CCDC91: variants seen among roughly 807,000 people sequenced by gnomAD.
CCDC91 encodes the protein coiled-coil domain-containing protein 91.
In CCDC91, 48 loss-of-function variants were observed where a neutral mutation model predicts 63.2. The ratio of observed to expected loss-of-function variants is 0.76; its 90% confidence interval spans 0.60 to 0.97. CCDC91 has a LOEUF of 0.97. CCDC91 is among the 50% of genes least tolerant of loss of function. The pLI, the probability that CCDC91 is intolerant of heterozygous loss-of-function variation, is 0.00. For missense variants in CCDC91, 500 were observed against 494.6 expected (o/e 1.01, Z -0.10); for synonymous variants, 167 against 165.8 (o/e 1.01, Z -0.06).
chr12:28,529,009 G>A (rs771857132), intron 12 of CCDC91, among the ~76,000 whole-genome samples: 10 of 151,866 alleles, frequency 6.6e-5, no homozygotes, highest in East Asian at 1.9e-4. Context: ...CTGTTTCTAT[G>A]TATATGTATG....
rs760006474 is a variant in CCDC91 at position 28,549,152 on chromosome 12, G to A, written c.1305G>A (p.Thr435=). The change falls in exon 13 of 13, where the codon ACG becomes ACA. Residue 435 remains threonine, a synonymous_variant. Transcript: ENST00000536442. ...AQKQLSALIA[T]EPVDIE is the part of the protein sequence containing the mutation. ...AACAGTTAAGTGCTTTAATAGCTAC[G>A]GAACCAGTTGACATTGAATAAAAAG... is the stretch of plus-strand genomic sequence containing the variant. 15 of 1,606,878 alleles carry A rather than the reference G, an allele frequency of 9.3e-6. No homozygotes were observed. The highest frequency in any genetic ancestry group is 1.3e-5 in the African/African-American group (1 of 74,664).
intron 12 of CCDC91, among the ~76,000 whole-genome samples, chr12:28,518,945 C>T (rs1340194286): frequency 1.3e-5 from 2 of 151,758 alleles, no homozygotes; most frequent in South Asian, 2.1e-4. Flanking sequence ...TTTGCTTTGT[C>T]GAAGATCAGT....
intron 1 of CCDC91, among the ~76,000 whole-genome samples, chr12:28,207,243 C>A (rs567576771): frequency 6.6e-6 from 1 of 152,288 alleles, no homozygotes; most frequent in South Asian, 2.1e-4. Flanking sequence ...AGGATGCTGT[C>A]TTCTTCTGGG....
At chr12:28,439,737 T>C (rs1197055109) in intron 8 of CCDC91, among the ~76,000 whole-genome samples, 2 of 150,532 alleles carry the variant, frequency 1.3e-5, no homozygotes, top group African/African-American at 4.8e-5. Flanking sequence ...TTTTTTCTTT[T>C]TTTTTTTTTT....
intron 8 of CCDC91, among the ~76,000 whole-genome samples, chr12:28,394,283 G>A (rs1311553019): frequency 6.6e-6 from 1 of 152,062 alleles, no homozygotes; most frequent in East Asian, 1.9e-4. Context: ...TGGCTAACAG[G>A]GTGAAACCCC....
At chr12:28,258,965 G>T (rs1052090471) in intron 2 of CCDC91, among the ~76,000 whole-genome samples, 1 of 151,930 alleles carries the variant, frequency 6.6e-6, no homozygotes, top group African/African-American at 2.4e-5. Context: ...ATTGGGTCTT[G>T]TGCTAATTAA....
At chr12:28,489,272 G>A (rs1236889589) in intron 12 of CCDC91, among the ~76,000 whole-genome samples, 2 of 151,874 alleles carry the variant, frequency 1.3e-5, no homozygotes, top group Non-Finnish European at 2.9e-5. Context: ...TGCCAGATAA[G>A]ATATTATAAT....
intron 6 of CCDC91, among the ~76,000 whole-genome samples, chr12:28,321,803 A>G (rs1397443636): frequency 1.3e-5 from 2 of 151,816 alleles, no homozygotes; most frequent in Admixed American, 1.3e-4. Context: ...TTATTTTGTT[A>G]TATTAGCCGA....
intron 11 of CCDC91, among the ~76,000 whole-genome samples, chr12:28,478,583 A>C (rs1951254066): frequency 6.6e-6 from 1 of 152,194 alleles, no homozygotes; most frequent in Non-Finnish European, 1.5e-5. Flanking sequence ...CACCGAAAGC[A>C]ATGGCAACAA....
intron 7 of CCDC91, among the ~76,000 whole-genome samples, chr12:28,371,439 G>T (rs185638218): frequency 6.6e-6 from 1 of 152,270 alleles, no homozygotes; most frequent in Non-Finnish European, 1.5e-5. Context: ...CGGAAAAATT[G>T]TCTTCCATGA....
chr12:28,274,845 C>G (rs1948082183), intron 3 of CCDC91, among the ~76,000 whole-genome samples: 1 of 152,080 alleles, frequency 6.6e-6, no homozygotes, highest in South Asian at 2.1e-4. Flanking sequence ...CCTTCTCCTG[C>G]CTGATTGCCC....
chr12:28,465,593 C>G (rs1950511654), intron 11 of CCDC91, among the ~76,000 whole-genome samples: 1 of 152,136 alleles, frequency 6.6e-6, no homozygotes, highest in Non-Finnish European at 1.5e-5. Flanking sequence ...CTCTATGAGT[C>G]TACAAGAACC....
intron 6 of CCDC91, among the ~76,000 whole-genome samples, chr12:28,347,924 C>T (rs1565835171): frequency 6.6e-6 from 1 of 152,204 alleles, no homozygotes; most frequent in Non-Finnish European, 1.5e-5. Context: ...CCTTTAGTCC[C>T]ACTTATGTTA....
At chr12:28,522,795 A>G (rs1940854674) in intron 12 of CCDC91, among the ~76,000 whole-genome samples, 1 of 152,188 alleles carries the variant, frequency 6.6e-6, no homozygotes, top group Non-Finnish European at 1.5e-5. Context: ...ATTGGTTTCA[A>G]AGAACATCTT....
chr12:28,459,884 T>C (rs1400214335), intron 11 of CCDC91, among the ~76,000 whole-genome samples: 1 of 152,194 alleles, frequency 6.6e-6, no homozygotes, highest in Non-Finnish European at 1.5e-5. Context: ...TGAGAATGTC[T>C]TAGACATTCA....
intron 12 of CCDC91, among the ~76,000 whole-genome samples, chr12:28,537,036 G>T (rs745892745): frequency 3.4e-4 from 52 of 152,222 alleles, no homozygotes; most frequent in Non-Finnish European, 5.7e-4. Flanking sequence ...TGATATTTAT[G>T]ATTTTAAGTT....
At chr12:28,438,246 C>G (rs1949010940) in intron 8 of CCDC91, among the ~76,000 whole-genome samples, 1 of 152,058 alleles carries the variant, frequency 6.6e-6, no homozygotes, top group African/African-American at 2.4e-5. Flanking sequence ...GAGGTGGGCC[C>G]TTTGAGAGTT....
At chr12:28,293,097 A>C (rs1280060259) in intron 3 of CCDC91, among the ~76,000 whole-genome samples, 1 of 152,246 alleles carries the variant, frequency 6.6e-6, no homozygotes, top group Non-Finnish European at 1.5e-5. Flanking sequence ...ATAGTGATTA[A>C]GTCAAAGATT....
At chr12:28,283,161 C>T (rs895908308) in intron 3 of CCDC91, among the ~76,000 whole-genome samples, 6 of 150,626 alleles carry the variant, frequency 4.0e-5, no homozygotes, top group Non-Finnish European at 8.9e-5. Flanking sequence ...CAGATTTTTC[C>T]CTTTTGCTTA....
Sources: allele counts gnomAD v4.1 joint callset (sites outside exome capture counted in the v4.1 genomes callset), GRCh38; gene constraint gnomAD v4.1.1; transcripts MANE v1.5; gene names NCBI Gene and HGNC (gene_info 2026-07-23, HGNC 2026-07-21).